CDKN2B-AS1: variants seen among roughly 807,000 people sequenced by gnomAD.
CDKN2B-AS1 encodes CDKN2B antisense RNA 1 (non-protein coding).
chr9:22,097,434 A>T (rs1277548233), intron 4 of CDKN2B-AS1: 1 of 152,200 alleles, frequency 6.6e-6, no homozygotes, highest in Non-Finnish European at 1.5e-5. Context: ...CTTGTCAATG[A>T]AATGAAGGTC....
rs72654300 is a variant in CDKN2B-AS1 at position 22,123,450 on chromosome 9, T to A, written n.439-3653T>A. Among the ~76,000 whole-genome samples, 85 of 152,192 alleles carry A rather than the reference T, an allele frequency of 5.6e-4. No individual in the cohort carries two copies. The East Asian group carries it at 0.012, about 21-fold the overall frequency. ...TTTCAGTTCTTAGAGGAAATGCTAG[T>A]GTAGCTGAGGAGAGAAATGAAAACA... is the stretch of plus-strand genomic sequence containing the variant. On this transcript the variant is annotated intron_variant and non_coding_transcript_variant, in intron 4 of 4. Coordinates refer to ENST00000650946, the Ensembl canonical transcript of CDKN2B-AS1.
chr9:22,069,697 T>C (rs1400860705), intron 4 of CDKN2B-AS1, among the ~76,000 whole-genome samples: 2 of 152,164 alleles, frequency 1.3e-5, no homozygotes, highest in African/African-American at 2.4e-5. Flanking sequence ...TCTAGCTCTT[T>C]CGTAATATCA....
intron 4 of CDKN2B-AS1, chr9:22,119,234 A>T (rs1043272566): frequency 6.6e-6 from 1 of 152,132 alleles, no homozygotes; most frequent in African/African-American, 2.4e-5. Flanking sequence ...TGACATGAAG[A>T]TAACACAGAT....
intron 3 of CDKN2B-AS1, among the ~76,000 whole-genome samples, chr9:22,051,607 A>C (rs1240051226): frequency 6.6e-6 from 1 of 152,148 alleles, no homozygotes; most frequent in Non-Finnish European, 1.5e-5. Flanking sequence ...GCAGCATCCT[A>C]CTGGGACTCT....
At chr9:22,127,228 C>T (rs916076769) in exon 5 of CDKN2B-AS1, among the ~76,000 whole-genome samples, 1 of 152,098 alleles carries the variant, frequency 6.6e-6, no homozygotes, top group Non-Finnish European at 1.5e-5. Flanking sequence ...ATTGCAGGCA[C>T]CTGCCACCAC....
intron 1 of CDKN2B-AS1, among the ~76,000 whole-genome samples, chr9:22,037,259 A>AC (rs1462314985): frequency 6.6e-6 from 1 of 152,036 alleles, no homozygotes; most frequent in Non-Finnish European, 1.5e-5. Flanking sequence ...AAAGAAGAAA[A>AC]ATGGGGTTTA....
At chr9:22,077,186 G>A (rs1019324888) in intron 4 of CDKN2B-AS1, among the ~76,000 whole-genome samples, 4 of 151,852 alleles carry the variant, frequency 2.6e-5, no homozygotes, top group South Asian at 2.1e-4. Context: ...GTAAAATAAT[G>A]CAATAGTTTT....
chr9:22,105,729 G>A (rs185084306), intron 4 of CDKN2B-AS1, among the ~76,000 whole-genome samples: 10 of 152,318 alleles, frequency 6.6e-5, no homozygotes, highest in African/African-American at 1.9e-4. Context: ...AAGTGCCAAT[G>A]TCCTGAAAAA....
rs1399469784 is a variant in CDKN2B-AS1 at position 22,001,414 on chromosome 9, C to T, written n.29+6253C>T. ...GTAATGTGAATAGCTGTGAGGTAGTCAGTGTGTCATCTTAATACATTGTTC... is the reference window on the plus strand; with the variant it reads ...GTAATGTGAATAGCTGTGAGGTAGTTAGTGTGTCATCTTAATACATTGTTC... On this transcript the variant is annotated intron_variant and non_coding_transcript_variant, in intron 1 of 4. Coordinates refer to ENST00000650946, the Ensembl canonical transcript of CDKN2B-AS1. This position sits in a 1 kb window ranked among gnomAD's most constrained non-coding sequence, Gnocchi z 4.2. Among the ~76,000 whole-genome samples, 1 of 152,106 alleles carries T rather than the reference C, an allele frequency of 6.6e-6. No homozygotes were observed. The highest frequency in any genetic ancestry group is 1.5e-5 in the Non-Finnish European group (1 of 67,980).
Position 22,052,437 on chromosome 9 carries a change from C to G in CDKN2B-AS1, n.302+3209C>G, listed in dbSNP as rs140999790. On this transcript the variant is annotated intron_variant and non_coding_transcript_variant, in intron 3 of 4. Transcript: ENST00000650946. The stretch of plus-strand genomic sequence containing the variant: ...ACAAAGAGATGCATGACAGATAACA[C>G]TTCTCAAGAAGAAGGAATTTAGCTT... Among the ~76,000 whole-genome samples, 36 of 152,286 alleles carry G rather than the reference C, an allele frequency of 2.4e-4. 1 individual carries two copies. In the East Asian group the frequency reaches 5.6e-3, roughly 24 times the overall value.
intron 2 of CDKN2B-AS1, chr9:22,046,959 A>G (rs1452985375): frequency 6.6e-6 from 1 of 152,168 alleles, no homozygotes; most frequent in Non-Finnish European, 1.5e-5. Context: ...CCTAGGATCA[A>G]ATCCTGTGAT....
chr9:22,050,962 T>G (rs1038497011), intron 3 of CDKN2B-AS1, among the ~76,000 whole-genome samples: 2 of 152,202 alleles, frequency 1.3e-5, no homozygotes, highest in East Asian at 3.9e-4. Flanking sequence ...TGCAGCTTTT[T>G]CACTGTGGTT....
intron 4 of CDKN2B-AS1, among the ~76,000 whole-genome samples, chr9:22,108,677 G>C (rs1197950493): frequency 6.6e-6 from 1 of 152,096 alleles, no homozygotes; most frequent in East Asian, 1.9e-4. Context: ...AATTTGAGCA[G>C]TTTCACAATT....
At chr9:22,111,541 A>C (rs72654225) in intron 4 of CDKN2B-AS1, among the ~76,000 whole-genome samples, 1 of 151,842 alleles carries the variant, frequency 6.6e-6, no homozygotes, top group African/African-American at 2.4e-5. Context: ...ACAAGTGATC[A>C]GATGTCAAAA....
chr9:22,069,170 A>G (rs1201608826), intron 4 of CDKN2B-AS1, among the ~76,000 whole-genome samples: 1 of 152,060 alleles, frequency 6.6e-6, no homozygotes, highest in African/African-American at 2.4e-5. Context: ...CGATAATTTC[A>G]TTCCTGGGCC....
chr9:22,069,833 T>C (rs1824215422), intron 4 of CDKN2B-AS1, among the ~76,000 whole-genome samples: 1 of 152,160 alleles, frequency 6.6e-6, no homozygotes, highest in Non-Finnish European at 1.5e-5. Flanking sequence ...TCCTTCTTGC[T>C]TCCCCAGTCT....
At chr9:21,995,127 G>A (rs1395376159), upstream of CDKN2B-AS1, 2 of 152,196 alleles carry the variant, frequency 1.3e-5, no homozygotes, top group Non-Finnish European at 2.9e-5. The surrounding 1 kb of genome is among the most constrained non-coding windows in gnomAD (Gnocchi z 5.7). Flanking sequence ...CGCTGGCGCT[G>A]CCGGAGCTGT....
chr9:22,028,992 C>G (rs150488300), intron 1 of CDKN2B-AS1, among the ~76,000 whole-genome samples: 1 of 151,960 alleles, frequency 6.6e-6, no homozygotes, highest in African/African-American at 2.4e-5. Flanking sequence ...GTTTCTCTAA[C>G]TGGCTTAATT....
intron 4 of CDKN2B-AS1, chr9:22,120,860 T>G (rs149383086): frequency 5.6e-4 from 86 of 152,266 alleles, no homozygotes; most frequent in African/African-American, 1.9e-3. Context: ...TAGTGCCAGA[T>G]GCTGTCTAGG....
Sources: allele counts gnomAD v4.1 joint callset (sites outside exome capture counted in the v4.1 genomes callset), GRCh38; gene constraint gnomAD v4.1.1; non-coding constraint Gnocchi (gnomAD v3.1); transcripts MANE v1.5; gene names NCBI Gene and HGNC (gene_info 2026-07-23, HGNC 2026-07-21).